KIFAP3: variants seen among roughly 807,000 people sequenced by gnomAD.
KIFAP3 encodes kinesin associated protein 3.
KIFAP3 carries 68 observed loss-of-function variants against 106.5 expected under a neutral mutation model. The ratio of observed to expected loss-of-function variants is 0.64; its 90% CI spans 0.53 to 0.78. KIFAP3 has a LOEUF of 0.78. Ranked by LOEUF, KIFAP3 falls within the 30% of genes least tolerant of loss-of-function variation. The pLI, the probability that KIFAP3 is intolerant of heterozygous loss-of-function variation, is 0.00. For synonymous variants in KIFAP3, 320 were observed against 311.5 expected (o/e 1.03, Z -0.29); for missense variants, 780 against 941.8 (o/e 0.83, Z 2.25).
intron 10 of KIFAP3, among the ~76,000 whole-genome samples, chr1:169,993,903 A>T (rs1247004648): frequency 2.0e-5 from 3 of 150,832 alleles, no homozygotes; most frequent in Non-Finnish European, 4.4e-5. Flanking sequence ...TAAGCAAAAA[A>T]TACAGTGATC....
At chr1:170,006,913 T>C (rs1212180559) in intron 10 of KIFAP3, among the ~76,000 whole-genome samples, 2 of 152,094 alleles carry the variant, frequency 1.3e-5, no homozygotes, top group African/African-American at 2.4e-5. Context: ...GTAGTAAGCA[T>C]AGATAAAGTC....
intron 1 of KIFAP3, among the ~76,000 whole-genome samples, chr1:170,081,823 G>A (rs1672024302): frequency 6.6e-6 from 1 of 152,188 alleles, no homozygotes; most frequent in South Asian, 2.1e-4. Flanking sequence ...TATATTTACA[G>A]GTTCCAGAGA....
chr1:170,069,068 T>C (rs1443789163), intron 1 of KIFAP3, among the ~76,000 whole-genome samples: 1 of 151,982 alleles, frequency 6.6e-6, no homozygotes, highest in Non-Finnish European at 1.5e-5. Context: ...CTTTTGATGA[T>C]TAAAAAATTA....
At chr1:169,959,601 T>C (rs573536238) in intron 18 of KIFAP3, among the ~76,000 whole-genome samples, 4 of 152,302 alleles carry the variant, frequency 2.6e-5, no homozygotes, top group South Asian at 2.1e-4. Context: ...AAATGTGGTA[T>C]AACTGTTTAG....
chr1:170,060,049 C>T (rs1671056791), intron 1 of KIFAP3, among the ~76,000 whole-genome samples: 2 of 152,164 alleles, frequency 1.3e-5, no homozygotes, highest in Non-Finnish European at 1.5e-5. Flanking sequence ...GACAAACCCA[C>T]AGCCAATATC....
chr1:170,031,631 A>C (rs1362839434), intron 8 of KIFAP3, among the ~76,000 whole-genome samples: 1 of 151,832 alleles, frequency 6.6e-6, no homozygotes, highest in Non-Finnish European at 1.5e-5. Context: ...AAAAGGTCAC[A>C]CACTGGATTA....
At chr1:169,993,498 T>C (rs1332260597) in intron 10 of KIFAP3, among the ~76,000 whole-genome samples, 5 of 134,460 alleles carry the variant, frequency 3.7e-5, no homozygotes, top group African/African-American at 1.4e-4. Context: ...AATATTTAAA[T>C]ATAAAAGCTG....
intron 11 of KIFAP3, among the ~76,000 whole-genome samples, chr1:169,987,717 T>C (rs911556253): frequency 6.6e-6 from 1 of 152,096 alleles, no homozygotes; most frequent in Non-Finnish European, 1.5e-5. Flanking sequence ...TGGATCACTA[T>C]GAAGATTCTT....
chr1:169,961,478 A>G (rs1665328826), intron 17 of KIFAP3, among the ~76,000 whole-genome samples: 1 of 152,220 alleles, frequency 6.6e-6, no homozygotes, highest in African/African-American at 2.4e-5. Flanking sequence ...TTTAAATTTC[A>G]TAAATTCTTA....
At chr1:169,937,105 C>G (rs962291574) in intron 19 of KIFAP3, among the ~76,000 whole-genome samples, 7 of 151,078 alleles carry the variant, frequency 4.6e-5, no homozygotes, top group Non-Finnish European at 1.5e-5. Flanking sequence ...ATTTTCAAAA[C>G]AGAAAGCTGA....
intron 2 of KIFAP3, among the ~76,000 whole-genome samples, chr1:170,051,920 T>C (rs1302939797): frequency 6.6e-6 from 1 of 151,548 alleles, no homozygotes; most frequent in Non-Finnish European, 1.5e-5. Context: ...CACCCTAACA[T>C]CAAAATTAAA....
At chr1:170,021,190 C>G (rs1027850837) in intron 9 of KIFAP3, among the ~76,000 whole-genome samples, 1 of 152,046 alleles carries the variant, frequency 6.6e-6, no homozygotes, top group Non-Finnish European at 1.5e-5. Context: ...AAAAAACTGT[C>G]TAAAAGCCAG....
At chr1:170,012,724 T>C (rs1668302311) in intron 10 of KIFAP3, among the ~76,000 whole-genome samples, 1 of 152,012 alleles carries the variant, frequency 6.6e-6, no homozygotes, top group Non-Finnish European at 1.5e-5. Context: ...GGCATGCTGC[T>C]AATACAGACA....
chr1:169,928,699 C>CAAAAAAA (rs10690029), intron 19 of KIFAP3, among the ~76,000 whole-genome samples: 11,431 of 37,614 alleles, frequency 0.3, 2,141 homozygotes, highest in Middle Eastern at 0.39. Context: ...ACCCTGTCTC[C>CAAAAAAA]AAAAAAAAAA....
At chr1:169,974,534 T>C (rs1377654920) in intron 16 of KIFAP3, among the ~76,000 whole-genome samples, 1 of 151,872 alleles carries the variant, frequency 6.6e-6, no homozygotes, top group Non-Finnish European at 1.5e-5. Context: ...TACTATTTTT[T>C]TTTAGGGTTA....
intron 17 of KIFAP3, among the ~76,000 whole-genome samples, chr1:169,965,005 T>G (rs906627477): frequency 3.3e-5 from 5 of 152,108 alleles, no homozygotes; most frequent in African/African-American, 4.8e-5. Flanking sequence ...ATTTATTATA[T>G]CCATTAGGGT....
At chr1:170,025,301 T>C (rs1336882615) in intron 8 of KIFAP3, among the ~76,000 whole-genome samples, 1 of 152,140 alleles carries the variant, frequency 6.6e-6, no homozygotes, top group East Asian at 1.9e-4. Context: ...TAGATAATGC[T>C]TTCCATTTTT....
chr1:169,989,070 G>A (rs1224066298), intron 11 of KIFAP3, among the ~76,000 whole-genome samples: 2 of 151,966 alleles, frequency 1.3e-5, no homozygotes, highest in Non-Finnish European at 2.9e-5. Context: ...CATGTTTGAT[G>A]TTAGAAAACT....
chr1:169,947,736 G>GTGATGTA (rs1664514904), intron 19 of KIFAP3, among the ~76,000 whole-genome samples: 1 of 151,724 alleles, frequency 6.6e-6, no homozygotes, highest in African/African-American at 2.4e-5. Flanking sequence ...AGATGTGGCA[G>GTGATGTA]TGATGTATCC....
Sources: gnomAD v4.1 joint callset for allele counts (sites outside exome capture counted in the v4.1 genomes callset) on GRCh38, gnomAD v4.1.1 for gene constraint, MANE v1.5 for transcripts, NCBI Gene and HGNC (gene_info 2026-07-23, HGNC 2026-07-21) for gene names.